Variants in UPF2 observed in about 807,000 individuals in gnomAD.
UPF2 encodes regulator of nonsense transcripts 2.
Under a neutral mutation model 141.4 loss-of-function variants are expected in UPF2, and 17 were observed. That is an observed-to-expected ratio of 0.12 (90% confidence interval 0.08 to 0.18). The LOEUF is 0.18. Ranked by LOEUF, UPF2 falls within the 10% of genes least tolerant of loss-of-function variation. The pLI is 1.00. For synonymous variants in UPF2, 540 were observed against 498.0 expected (o/e 1.08, Z -1.12); for missense variants, 1,152 against 1,515.9 (o/e 0.76, Z 3.99).
Position 11,936,397 on chromosome 10 carries a change from CAAAAAA to C in UPF2, c.3546+142_3546+147del. 1 of 859,304 alleles carries C rather than the reference CAAAAAA, an allele frequency of 1.2e-6. No individual in the cohort carries two copies. The highest frequency in any genetic ancestry group is 3.3e-5 in the East Asian group (1 of 30,742). The allele number at this position is 859,304 out of a possible 1,614,324, so 53.2% of individuals were successfully genotyped here. On this transcript the variant is annotated intron_variant, in intron 19 of 21. Transcript: ENST00000357604. This position sits in a 1 kb window ranked among gnomAD's most constrained non-coding sequence, Gnocchi z 6.6. ...ACAAAAACAAAAACAAAAACAAAAA[CAAAAAA>C]AACTATATAAGGGAAGAAATTATTC...
chr10:12,001,795 A>C lies in UPF2; in HGVS notation c.1535T>G (p.Val512Gly). 1 of 1,610,888 alleles carries C rather than the reference A, an allele frequency of 6.2e-7. No individual in the cohort carries two copies. The highest frequency in any genetic ancestry group is 1.3e-5 in the African/African-American group (1 of 74,888). The change falls in exon 6 of 22, where the codon GTA becomes GGA. Residue 512 changes from valine (V) to glycine (G), a missense_variant. Physicochemically the swap from Val to Gly is moderately radical, Grantham distance 109. Coordinates refer to ENST00000357604, the MANE Select transcript of UPF2 (RefSeq NM_015542.4). ...AAGTTCCAAATCATCGGGACTTGAT[A>C]CCTCCTTATTCTCCTTAGATTCTTT... ...EAKESKENKE[V>G]SSPDDLELEL...
chr10:12,012,851 A>C (rs146881344), intron 4 of UPF2, among the ~76,000 whole-genome samples: 1 of 151,862 alleles, frequency 6.6e-6, no homozygotes, highest in African/African-American at 2.4e-5. Context: ...GAGATATTGA[A>C]TAAGAGCCTG....
intron 18 of UPF2, among the ~76,000 whole-genome samples, chr10:11,937,180 G>A (rs182916393): frequency 6.7e-4 from 102 of 152,348 alleles, no homozygotes; most frequent in Non-Finnish European, 1.3e-3. Flanking sequence ...TGGAATCTAT[G>A]ACCATTTGTA....
At chr10:11,928,984 A>G (rs1486400484) in intron 21 of UPF2, among the ~76,000 whole-genome samples, 1 of 152,146 alleles carries the variant, frequency 6.6e-6, no homozygotes, top group Non-Finnish European at 1.5e-5. Context: ...CCCTGTCTCT[A>G]CTAAAAATAC....
rs1175116570 is a variant in UPF2, at chr10:11,980,903, G to T, written c.1845-1738C>A. Among the ~76,000 whole-genome samples, 1 of 151,992 alleles carries T rather than the reference G, an allele frequency of 6.6e-6. No individual in the cohort carries two copies. The highest frequency in any genetic ancestry group is 1.5e-5 in the Non-Finnish European group (1 of 67,992). Reference sequence around the variant, plus strand: ...AGAAGGATGGAAATAAATTTGAAAGGTATGGTTAGGCTGGGCATGGTGGTC... The same window carrying T: ...AGAAGGATGGAAATAAATTTGAAAGTTATGGTTAGGCTGGGCATGGTGGTC... On this transcript the variant is annotated intron_variant, in intron 8 of 21. Transcript: ENST00000357604. This position sits in a 1 kb window ranked among gnomAD's most constrained non-coding sequence, Gnocchi z 4.2.
At chr10:11,945,454 C>T (rs1832988868) in intron 16 of UPF2, among the ~76,000 whole-genome samples, 1 of 152,174 alleles carries the variant, frequency 6.6e-6, no homozygotes, top group Non-Finnish European at 1.5e-5. Context: ...GGAAACTGGT[C>T]TTGGGGTGAA....
chr10:11,944,809 T>C (rs1301791323), intron 16 of UPF2, among the ~76,000 whole-genome samples: 1 of 152,196 alleles, frequency 6.6e-6, no homozygotes, highest in Non-Finnish European at 1.5e-5. Context: ...ACTGATATAA[T>C]AATGGGTGGA....
chr10:11,936,367 AAAAAACAAAAAC>A lies in UPF2; in HGVS notation c.3546+166_3546+177del, dbSNP rs535061362. On this transcript the variant is annotated intron_variant, in intron 19 of 21. Coordinates refer to ENST00000357604, the MANE Select transcript of UPF2 (RefSeq NM_015542.4). The surrounding 1 kb of genome is among the most constrained non-coding windows in gnomAD (Gnocchi z 6.6). The stretch of plus-strand genomic sequence containing the variant: ...GCGACAAAGTGAGACGCCGTCTCAA[AAAAAACAAAAAC>A]AAAAACAAAAACAAAAACAAAAAAA... 3.6e-4 allele frequency among the ~76,000 whole-genome samples: 55 copies of A among 152,000 alleles called. No individual in the cohort carries two copies. Among genetic ancestry groups the A allele is most frequent in the South Asian group, 1.2e-3 (6 of 4,812 alleles).
intron 8 of UPF2, among the ~76,000 whole-genome samples, chr10:11,996,826 C>T (rs1833872059): frequency 6.6e-6 from 1 of 152,126 alleles, no homozygotes; most frequent in Admixed American, 6.5e-5. Context: ...GATTTGGTTT[C>T]ACTGAGAAAT....
intron 2 of UPF2, among the ~76,000 whole-genome samples, chr10:12,030,712 T>A (rs939054760): frequency 4.0e-5 from 6 of 149,596 alleles, no homozygotes; most frequent in Non-Finnish European, 5.9e-5. Context: ...TGAAACGCCA[T>A]CTCTACTAAA....
chr10:12,007,834 G>GTAATAATAATAATAATAA (rs140872031), intron 4 of UPF2, among the ~76,000 whole-genome samples: 5 of 134,564 alleles, frequency 3.7e-5, no homozygotes, highest in East Asian at 2.0e-4. Flanking sequence ...CCGTCTCAAA[G>GTAATAATAATAATAATAA]TAATAATAAT....
chr10:11,933,709 T>C (rs1043496669), intron 19 of UPF2, among the ~76,000 whole-genome samples: 11 of 146,890 alleles, frequency 7.5e-5, no homozygotes, highest in African/African-American at 2.7e-4. Flanking sequence ...AAGTAGGCAT[T>C]GATTAATTTA....
intron 6 of UPF2, 73 bp downstream of exon 6, chr10:12,001,603 A>G (rs1833953706): frequency 1.5e-6 from 2 of 1,359,670 alleles, no homozygotes; most frequent in East Asian, 4.7e-5. Context: ...AGGAGAAAAG[A>G]TCTATATTCT....
At chr10:11,977,138 G>A (rs1355269372) in intron 9 of UPF2, among the ~76,000 whole-genome samples, 1 of 152,190 alleles carries the variant, frequency 6.6e-6, no homozygotes, top group African/African-American at 2.4e-5. Context: ...AAGAGTAAAT[G>A]TCAGGAGAAA....
chr10:11,994,429 C>A (rs1009161135), intron 8 of UPF2, among the ~76,000 whole-genome samples: 3 of 152,112 alleles, frequency 2.0e-5, no homozygotes, highest in African/African-American at 7.2e-5. Context: ...GCAAAAGAAT[C>A]TTTGGGAGAA....
At chr10:12,001,338 C>G (rs1164900657) in intron 6 of UPF2, among the ~76,000 whole-genome samples, 6 of 152,098 alleles carry the variant, frequency 3.9e-5, no homozygotes, top group Admixed American at 2.6e-4. Flanking sequence ...TGCTTGAACC[C>G]AGGAGGCAGA....
At position 11,921,094 on chromosome 10, in the gene UPF2, G is replaced by A. The variant is rs776104936; in HGVS notation, c.*204C>T. On this transcript the variant is annotated 3_prime_UTR_variant, in exon 22 of 22. Coordinates refer to ENST00000357604, the MANE Select transcript of UPF2 (RefSeq NM_015542.4). The surrounding 1 kb of genome is among the most constrained non-coding windows in gnomAD (Gnocchi z 5.9). ...ATTTCCATTACAAAAGGCCTTTTCC[G>A]CCTTGTCTGGAAGCGTCGGCTTGTT... 12 of 789,564 alleles carry A rather than the reference G, an allele frequency of 1.5e-5. No individual in the cohort carries two copies. Among genetic ancestry groups the A allele is most frequent in the Admixed American group, 3.4e-5 (2 of 58,594 alleles). 48.9% of individuals were successfully genotyped at this position (789,564 alleles called of 1,614,324 possible).
intron 1 of UPF2, 106 bp from the exon 2 acceptor site, chr10:12,035,547 A>G (rs1834610492): frequency 4.9e-6 from 6 of 1,236,286 alleles, no homozygotes. Flanking sequence ...GCAATTGTAA[A>G]AGAGTAAATA....
intron 16 of UPF2, among the ~76,000 whole-genome samples, chr10:11,944,701 C>T (rs1357098460): frequency 1.3e-5 from 2 of 152,294 alleles, no homozygotes; most frequent in South Asian, 2.1e-4. Context: ...CCCCTCTCTC[C>T]ATCCTTTACG....
Sources: gnomAD v4.1 joint callset for allele counts (sites outside exome capture counted in the v4.1 genomes callset) on GRCh38, gnomAD v4.1.1 for gene constraint, Gnocchi (gnomAD v3.1) non-coding constraint, MANE v1.5 for transcripts, NCBI Gene and HGNC (gene_info 2026-07-23, HGNC 2026-07-21) for gene names.